The following TMC3 variants were observed in gnomAD, a reference collection of about 807,000 sequenced individuals.
TMC3 encodes transmembrane channel-like protein 3.
Under a neutral mutation model 110.6 loss-of-function variants are expected in TMC3, and 98 were observed. The observed-to-expected ratio is 0.89, with a 90% CI of 0.75 to 1.05. The LOEUF (loss-of-function observed/expected upper bound fraction) is 1.05, where lower values mean the gene tolerates loss of function less well. Ranked by LOEUF, TMC3 falls within the 50% of genes least tolerant of loss-of-function variation. TMC3 has a pLI of 0.00. For missense variants in TMC3, 1,319 were observed against 1,373.2 expected, an observed-to-expected ratio of 0.96 and a Z score of 0.62; for synonymous variants, 489 against 513.1, an observed-to-expected ratio of 0.95 and a Z score of 0.63.
At chr15:81,343,022 T>C (rs1893747708) in intron 15 of TMC3, 4 of 424,984 alleles carry the variant, frequency 9.4e-6, no homozygotes, top group Non-Finnish European at 1.7e-5. Context: ...TGTATTCTAC[T>C]GGTTTCTGTG....
At chr15:81,337,252 TCTTGGGATCCTTC>T (rs1442733054) in intron 19 of TMC3, among the ~76,000 whole-genome samples, 1 of 152,106 alleles carries the variant, frequency 6.6e-6, no homozygotes, top group African/African-American at 2.4e-5. Context: ...CTCATCCCAG[TCTTGGGATCCTTC>T]CTTGGGGTCT....
At chr15:81,356,389 G>T in intron 8 of TMC3, 58 bp downstream of exon 8, 1 of 1,521,650 alleles carries the variant, frequency 6.6e-7, no homozygotes, top group South Asian at 1.2e-5. Context: ...GAGGGCCAGC[G>T]GCTGGCTCTG....
chr15:81,341,336 A>ATT, intron 16 of TMC3, 54 bp downstream of exon 16: 8 of 1,528,154 alleles, frequency 5.2e-6, no homozygotes, highest in Non-Finnish European at 7.1e-6. Context: ...GCAGGCATGG[A>ATT]TTATATATAT....
At chr15:81,336,717 T>C in intron 19 of TMC3, 66 bp from the exon 20 acceptor site, 1 of 1,520,978 alleles carries the variant, frequency 6.6e-7, no homozygotes, top group Non-Finnish European at 9.1e-7. Context: ...ATATTATTCC[T>C]GGGGGAAGAG....
rs1893651770 is a variant in TMC3, at chr15:81,338,798, A to G, written c.1956-18T>C. 2 of 1,612,744 alleles carry G rather than the reference A, an allele frequency of 1.2e-6. No homozygotes were observed. The highest frequency in any genetic ancestry group is 2.2e-5 in the East Asian group (1 of 44,862). On this transcript the variant is annotated intron_variant, in intron 17 of 21. Coordinates refer to ENST00000359440, the MANE Select transcript of TMC3 (RefSeq NM_001080532.3). The stretch of plus-strand genomic sequence containing the variant: ...CTTGTCCACTGTGAGAAAGAAAAAC[A>G]TAACTCCAGATTTTATTGCTCTTGG...
chr15:81,336,938 A>G (rs1893608785), intron 19 of TMC3, among the ~76,000 whole-genome samples: 1 of 152,216 alleles, frequency 6.6e-6, no homozygotes, highest in Non-Finnish European at 1.5e-5. Flanking sequence ...TGCCTGAATC[A>G]CAAAGAAAAA....
intron 2 of TMC3, among the ~76,000 whole-genome samples, chr15:81,370,342 T>G (rs920610984): frequency 1.3e-5 from 2 of 152,154 alleles, no homozygotes; most frequent in African/African-American, 4.8e-5. Flanking sequence ...AGGGAAGTGT[T>G]GCTCCAGTAG....
intron 9 of TMC3, among the ~76,000 whole-genome samples, chr15:81,354,343 G>A (rs1894012703): frequency 6.6e-6 from 1 of 152,196 alleles, no homozygotes; most frequent in South Asian, 2.1e-4. Flanking sequence ...TATGCAATGG[G>A]GTTGGCAGCA....
intron 4 of TMC3, 158 bp downstream of exon 4, chr15:81,362,062 T>C: frequency 1.7e-6 from 1 of 582,498 alleles, no homozygotes; most frequent in Non-Finnish European, 3.1e-6. Flanking sequence ...AGGTATCTTG[T>C]CTTCTGGGTC....
intron 2 of TMC3, among the ~76,000 whole-genome samples, chr15:81,370,386 C>T (rs1894407965): frequency 6.6e-6 from 1 of 152,118 alleles, no homozygotes; most frequent in African/African-American, 2.4e-5. Flanking sequence ...ATATGCGTGG[C>T]AAGAGGATGA....
chr15:81,372,454 G>T, intron 2 of TMC3, 137 bp downstream of exon 2: 1 of 1,046,942 alleles, frequency 9.6e-7, no homozygotes, highest in Non-Finnish European at 1.4e-6. Context: ...ATATCTTTGT[G>T]ACTTTGCTAA....
rs1234715054 is a variant in TMC3, at chr15:81,341,396, G to T, written c.1838C>A (p.Ala613Asp). ...AGATCTTATTCTTACTCACCTTGAG[G>T]CTCGAAATACTTGCTGGTGGGGCAC... ...CNVPHQQVFR[A>D]SRSNNFYLAM... Residue 613 changes from alanine (A) to aspartate (D), a missense_variant, in exon 16 of 22, where the codon GCC (alanine) becomes GAC (aspartate). By Grantham distance (126) the Ala-to-Asp change is moderately radical. Coordinates refer to ENST00000359440, the MANE Select transcript of TMC3 (RefSeq NM_001080532.3). 6.2e-6 allele frequency: 10 copies of T among 1,610,026 alleles called. No individual in the cohort carries two copies. In the Admixed American group the frequency reaches 1.5e-4, roughly 24 times the overall value.
intron 21 of TMC3, among the ~76,000 whole-genome samples, chr15:81,333,698 T>C (rs1268762596): frequency 3.3e-5 from 5 of 152,142 alleles, no homozygotes; most frequent in African/African-American, 1.2e-4. Context: ...TATTAAACAG[T>C]TCTTCCCTGG....
chr15:81,336,327 A>C (rs1373756699), intron 20 of TMC3, among the ~76,000 whole-genome samples: 4 of 152,162 alleles, frequency 2.6e-5, no homozygotes, highest in African/African-American at 9.7e-5. Flanking sequence ...TCTAGGGGCT[A>C]GCTCTCCCCA....
intron 7 of TMC3, 66 bp downstream of exon 7, chr15:81,358,083 A>G: frequency 6.8e-7 from 1 of 1,463,846 alleles, no homozygotes. Context: ...TGAAGCTGTA[A>G]GAAAATACTT....
intron 20 of TMC3, 114 bp from the exon 21 acceptor site, chr15:81,335,089 T>A: frequency 1.7e-6 from 2 of 1,155,466 alleles, no homozygotes; most frequent in Non-Finnish European, 2.5e-6. Flanking sequence ...CGCAAACAAT[T>A]GAGTGCACTT....
At chr15:81,352,920 A>G (rs1213565600) in intron 9 of TMC3, among the ~76,000 whole-genome samples, 2 of 152,168 alleles carry the variant, frequency 1.3e-5, no homozygotes, top group African/African-American at 4.8e-5. Flanking sequence ...CCTGGGTTCA[A>G]GCGATTCTCC....
chr15:81,370,950 G>A (rs779198166), intron 2 of TMC3, among the ~76,000 whole-genome samples: 10 of 151,910 alleles, frequency 6.6e-5, no homozygotes, highest in Non-Finnish European at 1.3e-4. Flanking sequence ...TGGGATTATA[G>A]GCATGAGCCA....
intron 16 of TMC3, among the ~76,000 whole-genome samples, chr15:81,341,136 CT>C (rs1893705155): frequency 6.6e-6 from 1 of 152,118 alleles, no homozygotes; most frequent in African/African-American, 2.4e-5. Flanking sequence ...GATTTGTGTA[CT>C]TTTTTTCTAA....
Sources: allele counts gnomAD v4.1 joint callset (sites outside exome capture counted in the v4.1 genomes callset), GRCh38; gene constraint gnomAD v4.1.1; transcripts MANE v1.5; gene names NCBI Gene and HGNC (gene_info 2026-07-23, HGNC 2026-07-21).